SNX29: variants seen among roughly 807,000 people sequenced by gnomAD.
SNX29 encodes the protein sorting nexin 29.
Under a neutral mutation model 102.1 loss-of-function variants are expected in SNX29, and 78 were observed. That is an observed-to-expected ratio of 0.76 (90% CI 0.64 to 0.92). The LOEUF (loss-of-function observed/expected upper bound fraction) is 0.92. Ranked by LOEUF, SNX29 falls within the 40% of genes least tolerant of loss-of-function variation. SNX29 has a pLI of 0.00. For missense variants in SNX29, 1,280 were observed against 1,061.7 expected, an observed-to-expected ratio of 1.21 and a Z score of -2.86; for synonymous variants, 580 against 414.5, an observed-to-expected ratio of 1.40 and a Z score of -4.85.
intron 15 of SNX29, among the ~76,000 whole-genome samples, chr16:12,345,051 G>A (rs941179563): frequency 6.6e-6 from 1 of 152,090 alleles, no homozygotes; most frequent in Non-Finnish European, 1.5e-5. Context: ...CCCTTTTTCC[G>A]CTGACCCTCC....
chr16:12,176,825 T>A (rs1260711172), intron 13 of SNX29, among the ~76,000 whole-genome samples: 2 of 152,218 alleles, frequency 1.3e-5, no homozygotes, highest in Non-Finnish European at 2.9e-5. Flanking sequence ...TCTCATTTGT[T>A]CTCAGTGATT....
intron 14 of SNX29, among the ~76,000 whole-genome samples, chr16:12,230,691 A>C (rs1490696911): frequency 6.6e-6 from 1 of 152,132 alleles, no homozygotes; most frequent in Non-Finnish European, 1.5e-5. Flanking sequence ...GGTTGGGGGG[A>C]AAATAGGGAA....
intron 11 of SNX29, among the ~76,000 whole-genome samples, chr16:12,102,307 A>G (rs970554964): frequency 2.6e-4 from 39 of 152,214 alleles, no homozygotes; most frequent in African/African-American, 8.9e-4. Flanking sequence ...GGGTCAAATG[A>G]TATTTCTGGT....
chr16:12,479,470 G>C (rs1268214480), intron 19 of SNX29, among the ~76,000 whole-genome samples: 1 of 152,098 alleles, frequency 6.6e-6, no homozygotes, highest in Admixed American at 6.5e-5. Flanking sequence ...AGGTCTGCTC[G>C]ATTTGAACAT....
Position 12,399,225 on chromosome 16 carries a change from A to AT in SNX29, c.1955+730dup, listed in dbSNP as rs559018455. ...ACCACCACGCCTGGCTAATTTTTAT[A>AT]TTTTTTACTAGAGATGGGGTTTCTT... On this transcript the variant is annotated intron_variant, in intron 17 of 20. Transcript: ENST00000566228. 1.7e-3 allele frequency among the ~76,000 whole-genome samples: 259 copies of AT among 151,880 alleles called. 1 individual carries two copies. The highest frequency in any genetic ancestry group is 3.1e-3 in the Non-Finnish European group (211 of 67,950).
chr16:12,278,416 G>A (rs73506120), intron 15 of SNX29, among the ~76,000 whole-genome samples: 6,397 of 151,822 alleles, frequency 0.042, 473 homozygotes, highest in African/African-American at 0.15. Context: ...TTCATTATCA[G>A]AATTAATTGA....
intron 16 of SNX29, among the ~76,000 whole-genome samples, chr16:12,387,456 A>G (rs2083379064): frequency 6.6e-6 from 1 of 151,148 alleles, no homozygotes; most frequent in African/African-American, 2.4e-5. Flanking sequence ...AGCTGAGGGG[A>G]CGATGGCTCA....
At chr16:12,081,521 C>G (rs2051877112) in intron 11 of SNX29, 1 of 151,820 alleles carries the variant, frequency 6.6e-6, no homozygotes, top group African/African-American at 2.4e-5. Context: ...CAATGAAGTT[C>G]TGTAGCCAGG....
At chr16:12,542,366 A>ATCTCTT (rs1555572348) in intron 20 of SNX29, among the ~76,000 whole-genome samples, 3 of 152,222 alleles carry the variant, frequency 2.0e-5, no homozygotes, top group Non-Finnish European at 2.9e-5. Context: ...GTTAGACCCA[A>ATCTCTT]GTTCTATCAC....
intron 18 of SNX29, among the ~76,000 whole-genome samples, chr16:12,430,115 G>A (rs969280224): frequency 3.3e-4 from 50 of 152,212 alleles, no homozygotes; most frequent in African/African-American, 1.1e-3. Flanking sequence ...GTGCATACAA[G>A]GGATCTAGGT....
chr16:12,546,028 A>C (rs2077584679), intron 20 of SNX29, among the ~76,000 whole-genome samples: 1 of 152,200 alleles, frequency 6.6e-6, no homozygotes, highest in African/African-American at 2.4e-5. Flanking sequence ...AAAAAAACCC[A>C]CACCCTTGAG....
chr16:12,027,577 C>G, intron 4 of SNX29, 133 bp downstream of exon 4: 1 of 1,063,800 alleles, frequency 9.4e-7, no homozygotes, highest in Non-Finnish European at 1.3e-6. Flanking sequence ...GCACAGAAAT[C>G]CATGTCTTAA....
In SNX29 at chr16:12,573,632, G is replaced by T. The variant is rs28622434; in HGVS notation, c.*5003G>T. On this transcript the variant is annotated 3_prime_UTR_variant, in exon 21 of 21. Coordinates refer to ENST00000566228, the MANE Select transcript of SNX29 (RefSeq NM_032167.5). ...GCTCTGCCGCTGGTCTCCATGAACG[G>T]CAAGGGGAACCACCACTCATTCACT... The T allele has an allele frequency of 0.019, 4,145 of 221,478 alleles. 163 individuals are homozygous for T. Among genetic ancestry groups the T allele is most frequent in the African/African-American group, 0.086 (3,830 of 44,758 alleles). 13.7% of individuals were successfully genotyped at this position (221,478 alleles called of 1,614,324 possible). A position where few individuals can be genotyped will look rare whatever the true frequency, so the allele number is the denominator to read the frequency against.
chr16:12,395,727 T>A (rs920135023), intron 16 of SNX29, among the ~76,000 whole-genome samples: 2 of 152,216 alleles, frequency 1.3e-5, no homozygotes, highest in African/African-American at 4.8e-5. Context: ...ACAGGGGATG[T>A]TTGTGGCCAG....
intron 15 of SNX29, among the ~76,000 whole-genome samples, chr16:12,336,797 T>C (rs1161410853): frequency 6.6e-6 from 1 of 152,034 alleles, no homozygotes; most frequent in South Asian, 2.1e-4. Flanking sequence ...TTGAAAAAAA[T>C]TAGCCAGGTG....
intron 13 of SNX29, among the ~76,000 whole-genome samples, chr16:12,148,747 GA>G (rs1350469372): frequency 6.6e-6 from 1 of 152,066 alleles, no homozygotes. Context: ...GCCCAGGCTG[GA>G]GTACAATGGC....
At chr16:12,358,990 C>T (rs749363844) in intron 16 of SNX29, among the ~76,000 whole-genome samples, 5 of 152,192 alleles carry the variant, frequency 3.3e-5, no homozygotes, top group Non-Finnish European at 7.3e-5. Flanking sequence ...TCTCTGAGTT[C>T]TGTGAGCTGC....
intron 19 of SNX29, among the ~76,000 whole-genome samples, chr16:12,480,268 C>A (rs945095983): frequency 3.3e-5 from 5 of 152,158 alleles, no homozygotes; most frequent in Non-Finnish European, 7.4e-5. Flanking sequence ...TCACCCAGGC[C>A]TCTTCCTTCT....
In SNX29 at chr16:12,548,660, C is replaced by T. The variant is rs118110267; in HGVS notation, c.2319-19846C>T. Among the ~76,000 whole-genome samples the T allele has an allele frequency of 1.5e-3, 226 of 152,342 alleles. 2 individuals are homozygous for T. The East Asian group carries it at 0.017, about 11-fold the overall frequency. ...TCAGGGGCCTCATTTGGTGTCAACTCAGCAAGAAGTGAAGTTTAAAGCCCA... is the reference window on the plus strand; with the variant it reads ...TCAGGGGCCTCATTTGGTGTCAACTTAGCAAGAAGTGAAGTTTAAAGCCCA... On this transcript the variant is annotated intron_variant, in intron 20 of 20. Transcript: ENST00000566228.
Sources: allele counts gnomAD v4.1 joint callset (sites outside exome capture counted in the v4.1 genomes callset), GRCh38; gene constraint gnomAD v4.1.1; transcripts MANE v1.5; gene names NCBI Gene and HGNC (gene_info 2026-07-23, HGNC 2026-07-21).